The following DNAAF19 variants were observed in gnomAD, a reference collection of about 807,000 sequenced individuals.
DNAAF19 encodes the protein dynein axonemal assembly factor 19.
chr17:44,904,501 G>T, the DNAAF19 span: 2 of 1,549,442 alleles, frequency 1.3e-6, no homozygotes, highest in South Asian at 2.4e-5. Context: ...GGAAGCTGCG[G>T]ACCAAGGCCA....
the DNAAF19 span, chr17:44,902,201 T>A: frequency 1.1e-6 from 1 of 872,566 alleles, no homozygotes; most frequent in Non-Finnish European, 1.9e-6. Context: ...TCATCCCCAG[T>A]TTCCTCATCT....
At chr17:44,901,049 G>A in the DNAAF19 span, 1 of 1,601,026 alleles carries the variant, frequency 6.2e-7, no homozygotes, top group South Asian at 1.1e-5. Context: ...AAGAGCTGCA[G>A]GCTGCACTCA....
chr17:44,901,726 T>C, the DNAAF19 span: 6 of 1,515,858 alleles, frequency 4.0e-6, no homozygotes, highest in Non-Finnish European at 5.3e-6. Flanking sequence ...TTTCATTTTG[T>C]TTTGTTTTGT....
At chr17:44,904,833 C>T in the DNAAF19 span, 836 of 1,550,634 alleles carry the variant, frequency 5.4e-4, 3 homozygotes, top group Non-Finnish European at 8.6e-5. Flanking sequence ...ATCCGCTTCA[C>T]CCAGCTGGAT....
the DNAAF19 span, chr17:44,901,291 A>G: frequency 1.9e-6 from 2 of 1,044,266 alleles, no homozygotes; most frequent in Non-Finnish European, 1.4e-6. Context: ...AGTCTCAATT[A>G]TTTATCTGTA....
chr17:44,904,621 C>T, the DNAAF19 span: 5 of 1,550,572 alleles, frequency 3.2e-6, no homozygotes, highest in South Asian at 1.2e-5. Flanking sequence ...CCAAAGTGGG[C>T]AGCCGGCCCT....
chr17:44,903,419 C>T, the DNAAF19 span: 1 of 1,252,504 alleles, frequency 8.0e-7, no homozygotes. Flanking sequence ...CCTTCATCCC[C>T]CAGGTTGATG....
the DNAAF19 span, chr17:44,903,729 C>A: frequency 1.4e-6 from 2 of 1,448,200 alleles, no homozygotes; most frequent in Non-Finnish European, 1.8e-6. Flanking sequence ...ATAATCCTTT[C>A]CTCATCTAGA....
At chr17:44,902,706 C>A in the DNAAF19 span, 1 of 1,613,840 alleles carries the variant, frequency 6.2e-7, no homozygotes, top group Non-Finnish European at 8.5e-7. Context: ...ACCCCAGATC[C>A]GTGAAGGAGG....
At chr17:44,900,285 GA>G in the DNAAF19 span, among the ~76,000 whole-genome samples, 140,611 of 144,256 alleles carry the variant, frequency 0.97, 68,549 homozygotes, top group East Asian at 1. Flanking sequence ...AACAGAGCCA[GA>G]AAAAAAAAAA....
chr17:44,902,473 C>T, the DNAAF19 span: 3 of 1,614,208 alleles, frequency 1.9e-6, no homozygotes, highest in Non-Finnish European at 2.5e-6. Context: ...GCTTGGGGGT[C>T]CAAGGCTCGG....
chr17:44,903,720 T>A, the DNAAF19 span: 10 of 1,445,284 alleles, frequency 6.9e-6, no homozygotes, highest in Admixed American at 2.8e-4. Context: ...CCTGGCTGCA[T>A]AATCCTTTCC....
the DNAAF19 span, chr17:44,904,092 C>T: frequency 1.7e-5 from 26 of 1,550,472 alleles, no homozygotes; most frequent in South Asian, 1.2e-4. Flanking sequence ...CGGGTGCTGA[C>T]GGAGGCAGCC....
the DNAAF19 span, chr17:44,901,558 G>T: frequency 6.2e-7 from 1 of 1,614,054 alleles, no homozygotes; most frequent in African/African-American, 1.3e-5. Context: ...CCACTGGAGC[G>T]GAAGGATAAG....
At chr17:44,904,740 G>A in the DNAAF19 span, 131 of 1,550,416 alleles carry the variant, frequency 8.4e-5, 5 homozygotes, top group Middle Eastern at 1.2e-3. Flanking sequence ...GACAAAGACC[G>A]CCAGCACCTC....
At chr17:44,905,127 C>T in the DNAAF19 span, 2 of 1,357,730 alleles carry the variant, frequency 1.5e-6, no homozygotes, top group Admixed American at 4.5e-5. Flanking sequence ...TTAAATGATA[C>T]CAGATGTCTC....
the DNAAF19 span, among the ~76,000 whole-genome samples, chr17:44,902,135 C>T: frequency 1.3e-5 from 2 of 152,176 alleles, no homozygotes; most frequent in Admixed American, 6.5e-5. Context: ...TAGGAAAATT[C>T]CAGTATAAAT....
chr17:44,904,715 C>T, the DNAAF19 span: 3 of 1,550,588 alleles, frequency 1.9e-6, no homozygotes, highest in Non-Finnish European at 2.6e-6. Flanking sequence ...CCGGCCAGAG[C>T]ATGCAGTGGC....
At chr17:44,904,445 A>G in the DNAAF19 span, 3 of 1,542,718 alleles carry the variant, frequency 1.9e-6, no homozygotes, top group Middle Eastern at 1.7e-4. Context: ...ACGCTACCTC[A>G]AGGCCGTGCC....
Sources: gnomAD v4.1 joint callset for allele counts (sites outside exome capture counted in the v4.1 genomes callset) on GRCh38, gnomAD v4.1.1 for gene constraint, MANE v1.5 for transcripts, NCBI Gene and HGNC (gene_info 2026-07-23, HGNC 2026-07-21) for gene names.